Variants in TGM7 observed in about 807,000 individuals in gnomAD.
The protein encoded by TGM7 is transglutaminase 7.
In TGM7, 74 loss-of-function variants were observed where a neutral mutation model predicts 79.5. The observed-to-expected ratio is 0.93, with a 90% CI of 0.77 to 1.13. The LOEUF (loss-of-function observed/expected upper bound fraction) is 1.13, where lower values mean the gene tolerates loss of function less well. Ranked by LOEUF, TGM7 falls within the 50% of genes most tolerant of loss-of-function variation. TGM7 has a pLI of 0.00. For missense variants in TGM7, 912 were observed against 905.9 expected, an observed-to-expected ratio of 1.01 and a Z score of -0.09; for synonymous variants, 354 against 362.5, an observed-to-expected ratio of 0.98 and a Z score of 0.27.
intron 1 of TGM7, 100 bp downstream of exon 1, chr15:43,302,141 A>G (rs935251959): frequency 7.2e-7 from 1 of 1,396,472 alleles, no homozygotes; most frequent in African/African-American, 1.4e-5. Context: ...TCATCAATCC[A>G]GGCTCTCCTG....
chr15:43,299,955 C>G (rs1214693011), intron 1 of TGM7, among the ~76,000 whole-genome samples: 1 of 152,122 alleles, frequency 6.6e-6, no homozygotes, highest in Non-Finnish European at 1.5e-5. Flanking sequence ...GCATTCCAAG[C>G]CCTTCACAAT....
In TGM7 at chr15:43,279,690, T is replaced by C. The variant is rs1357624680; in HGVS notation, c.1613A>G (p.His538Arg). 2 of 1,613,580 alleles carry C rather than the reference T, an allele frequency of 1.2e-6. No individual in the cohort carries two copies. The highest frequency in any genetic ancestry group is 1.7e-6 in the Non-Finnish European group (2 of 1,179,790). ...VVRFCAQALL[H>R]GGGTQKPFWR... ...GAAGGGCTTCTGGGTACCACCCCCA[T>C]GCAGCAGGGCCTGTGCACAGAAGCG... The change falls in exon 10 of 13, where the codon CAT becomes CGT. Residue 538 changes from histidine to arginine, a missense_variant. Transcript: ENST00000452443.
In TGM7 at chr15:43,287,569, AC is replaced by A. The variant is rs771659599; in HGVS notation, c.658del (p.Val220CysfsTer7). On this transcript the variant is annotated frameshift_variant, in exon 5 of 13. Coordinates refer to ENST00000452443, the MANE Select transcript of TGM7 (RefSeq NM_052955.3). LOFTEE classifies it high-confidence loss of function. ...AKDCSQRNDV[V>X]YVCRVVSAMI... ...GGCACTCACCACCCTGCACACATAC[AC>A]CACGTCGTTCCGCTGGGAACAGTCT... 1.9e-6 allele frequency: 3 copies of A among 1,613,986 alleles called. No individual in the cohort carries two copies. The East Asian group carries it at 6.7e-5, about 36-fold the overall frequency.
chr15:43,297,219 G>C (rs2142422109), intron 1 of TGM7, among the ~76,000 whole-genome samples: 2 of 152,276 alleles, frequency 1.3e-5, no homozygotes, highest in Admixed American at 1.3e-4. Context: ...ACTTTGGGAG[G>C]CCGAGGCGGG....
chr15:43,297,639 G>A (rs1036781886), intron 1 of TGM7, among the ~76,000 whole-genome samples: 3 of 138,878 alleles, frequency 2.2e-5, no homozygotes, highest in East Asian at 2.1e-4. Context: ...GAAAGAAAAA[G>A]AAAGAAAGAA....
chr15:43,297,407 C>A, intron 1 of TGM7, among the ~76,000 whole-genome samples: 2 of 151,006 alleles, frequency 1.3e-5, no homozygotes, highest in East Asian at 1.9e-4. Context: ...GAGCTGAGAT[C>A]GTACCATTGC....
chr15:43,282,788 C>T (rs2042916258), intron 7 of TGM7, among the ~76,000 whole-genome samples, 168 bp from the exon 8 acceptor site: 1 of 152,206 alleles, frequency 6.6e-6, no homozygotes, highest in Non-Finnish European at 1.5e-5. Context: ...CGGTGACTCA[C>T]GCCTGTAATC....
At chr15:43,282,816 C>T (rs1409090973) in intron 7 of TGM7, among the ~76,000 whole-genome samples, 196 bp from the exon 8 acceptor site, 4 of 152,224 alleles carry the variant, frequency 2.6e-5, no homozygotes, top group Non-Finnish European at 5.9e-5. Flanking sequence ...TTTGGGAAGC[C>T]GAAGTGGGCG....
chr15:43,293,060 C>T, intron 2 of TGM7, 106 bp from the exon 3 acceptor site: 1 of 1,488,764 alleles, frequency 6.7e-7, no homozygotes, highest in South Asian at 1.3e-5. Flanking sequence ...CCTGCTAATG[C>T]TTTTGGCTTT....
At chr15:43,291,797 C>A (rs2042964494) in intron 4 of TGM7, among the ~76,000 whole-genome samples, 182 bp downstream of exon 4, 1 of 152,098 alleles carries the variant, frequency 6.6e-6, no homozygotes, top group Admixed American at 6.5e-5. Context: ...AAAGGAAAGA[C>A]ATCCACCCCT....
chr15:43,287,252 A>T (rs1269178731), intron 6 of TGM7, 28 bp downstream of exon 6: 14 of 1,601,882 alleles, frequency 8.7e-6, no homozygotes, highest in Non-Finnish European at 1.2e-5. Flanking sequence ...AGTTAATCAC[A>T]CCCCTAAGTG....
chr15:43,279,960 G>A lies in TGM7; in HGVS notation c.1352-9C>T. On this transcript the variant is annotated splice_polypyrimidine_tract_variant and intron_variant, in intron 9 of 12. Coordinates refer to ENST00000452443, the MANE Select transcript of TGM7 (RefSeq NM_052955.3). Reference sequence around the variant, plus strand: ...TCTCTCCTCAGGGGATCCTGCAGAAGGGAGAGGTAGGAGAGACATGCATGG... The same window carrying A: ...TCTCTCCTCAGGGGATCCTGCAGAAAGGAGAGGTAGGAGAGACATGCATGG... The A allele has an allele frequency of 6.2e-7, 1 of 1,611,360 alleles. No individual in the cohort carries two copies. The highest frequency in any genetic ancestry group is 1.1e-5 in the South Asian group (1 of 90,818).
At chr15:43,298,895 A>C (rs891263945) in intron 1 of TGM7, among the ~76,000 whole-genome samples, 2 of 152,174 alleles carry the variant, frequency 1.3e-5, no homozygotes, top group African/African-American at 2.4e-5. Flanking sequence ...GTTCAGTGCA[A>C]CCCAAATATC....
In TGM7 at chr15:43,279,101, C is replaced by G; in HGVS notation, c.1839+16G>C. 1 of 1,605,526 alleles carries G rather than the reference C, an allele frequency of 6.2e-7. No homozygotes were observed. The highest frequency in any genetic ancestry group is 1.1e-5 in the South Asian group (1 of 90,208). On this transcript the variant is annotated intron_variant, in intron 11 of 12. Transcript: ENST00000452443. ...GTCAGAGAGCCTCAGAGCCCCCACCCATGTCCAGACACTACCTCAATAGAC... is the reference window on the plus strand; with the variant it reads ...GTCAGAGAGCCTCAGAGCCCCCACCGATGTCCAGACACTACCTCAATAGAC...
At chr15:43,293,690 C>G (rs1246315597) in intron 1 of TGM7, 59 bp from the exon 2 acceptor site, 2 of 1,310,480 alleles carry the variant, frequency 1.5e-6, no homozygotes, top group Non-Finnish European at 2.0e-6. Context: ...TCAGGCATCC[C>G]TTGTGGCTTC....
intron 3 of TGM7, 86 bp downstream of exon 3, chr15:43,292,623 A>G (rs2042969049): frequency 2.3e-5 from 36 of 1,542,466 alleles, no homozygotes; most frequent in Non-Finnish European, 3.0e-5. Context: ...CTATGTGGCG[A>G]TTTATTTTCT....
chr15:43,288,241 G>A (rs2042945982), intron 4 of TGM7, among the ~76,000 whole-genome samples: 1 of 152,212 alleles, frequency 6.6e-6, no homozygotes, highest in Admixed American at 6.5e-5. Context: ...TGCTTTGGCT[G>A]CCAAATGCAC....
chr15:43,291,070 G>T (rs1448238973), intron 4 of TGM7, among the ~76,000 whole-genome samples: 1 of 152,120 alleles, frequency 6.6e-6, no homozygotes, highest in East Asian at 1.9e-4. Context: ...TCTCCTGCCT[G>T]ATTGCCCTGG....
intron 4 of TGM7, among the ~76,000 whole-genome samples, chr15:43,290,998 G>C (rs896003174): frequency 6.6e-6 from 1 of 152,202 alleles, no homozygotes; most frequent in Non-Finnish European, 1.5e-5. Context: ...ATACAATCAT[G>C]TCATCTGCAA....
Sources: allele counts gnomAD v4.1 joint callset (sites outside exome capture counted in the v4.1 genomes callset), GRCh38; gene constraint gnomAD v4.1.1; transcripts MANE v1.5; gene names NCBI Gene and HGNC (gene_info 2026-07-23, HGNC 2026-07-21).